Variants in CRTAP observed in about 807,000 individuals in gnomAD.
CRTAP encodes the protein cartilage-associated protein.
Under a neutral mutation model 42.7 loss-of-function variants are expected in CRTAP, and 33 were observed. The ratio of observed to expected loss-of-function variants is 0.77; its 90% CI spans 0.59 to 1.03. The LOEUF (loss-of-function observed/expected upper bound fraction) is 1.03. Ranked by LOEUF, CRTAP falls within the 50% of genes least tolerant of loss-of-function variation. The probability of loss-of-function intolerance (pLI) is 0.00; values close to 1 mark genes in which losing one functional copy is unlikely to be tolerated. For synonymous variants in CRTAP, 243 were observed against 217.7 expected (o/e 1.12, Z -1.02); for missense variants, 613 against 533.9 (o/e 1.15, Z -1.46).
At chr3:33,132,799 G>T (rs1219512683) in intron 5 of CRTAP, 99 bp downstream of exon 5, 5 of 1,433,638 alleles carry the variant, frequency 3.5e-6, no homozygotes, top group Non-Finnish European at 4.8e-6. Flanking sequence ...AAATAAAGGG[G>T]CTGGGCGCGG....
At chr3:33,128,773 C>G (rs748058210) in intron 3 of CRTAP, among the ~76,000 whole-genome samples, 2 of 152,202 alleles carry the variant, frequency 1.3e-5, no homozygotes, top group East Asian at 3.8e-4. Flanking sequence ...TGTTCCTCCA[C>G]AGTCTTATGA....
chr3:33,128,773 C>T (rs748058210), intron 3 of CRTAP, among the ~76,000 whole-genome samples: 36 of 152,202 alleles, frequency 2.4e-4, no homozygotes, highest in Non-Finnish European at 4.9e-4. Flanking sequence ...TGTTCCTCCA[C>T]AGTCTTATGA....
In CRTAP at chr3:33,142,711, A is replaced by G. The variant is rs2030612450; in HGVS notation, c.*263A>G. On this transcript the variant is annotated 3_prime_UTR_variant, in exon 7 of 7. Coordinates refer to ENST00000320954, the MANE Select transcript of CRTAP (RefSeq NM_006371.5). ...GCTCTCTTGCCCAGGCTGGAGTGCA[A>G]TGGCACGTTCTCAGCTCACTGCAAC... 12 of 441,162 alleles carry G rather than the reference A, an allele frequency of 2.7e-5. No individual in the cohort carries two copies. The highest frequency in any genetic ancestry group is 6.5e-4 in the Middle Eastern group (1 of 1,534). The allele number at this position is 441,162 out of a possible 1,614,324, so 27.3% of individuals were successfully genotyped here.
Position 33,124,401 on chromosome 3 carries a change from C to A in CRTAP, c.622-7C>A, listed in dbSNP as rs369340002. 14 of 1,613,852 alleles carry A rather than the reference C, an allele frequency of 8.7e-6. No individual in the cohort carries two copies. In the African/African-American group the frequency reaches 1.6e-4, roughly 18 times the overall value. On this transcript the variant is annotated splice_region_variant and splice_polypyrimidine_tract_variant and intron_variant, in intron 2 of 6. Coordinates refer to ENST00000320954, the MANE Select transcript of CRTAP (RefSeq NM_006371.5). ...GCGAGCTTCACTGGCTTCTCCATGC[C>A]TTTCAGAGCCTGTTCATCCGAGCAG...
intron 1 of CRTAP, among the ~76,000 whole-genome samples, 195 bp from the exon 2 acceptor site, chr3:33,120,149 C>G (rs369410026): frequency 1.3e-5 from 2 of 152,178 alleles, no homozygotes; most frequent in Non-Finnish European, 2.9e-5. Context: ...GCCATCCAGA[C>G]AGTCGCTTTC....
chr3:33,122,036 G>T (rs2029886143), intron 2 of CRTAP, among the ~76,000 whole-genome samples: 2 of 152,120 alleles, frequency 1.3e-5, no homozygotes, highest in Admixed American at 1.3e-4. Context: ...TCCAAAAGTT[G>T]TTGAAATCTC....
Position 33,130,045 on chromosome 3 carries a change from CTTGCAG to C in CRTAP, c.903_908del (p.Leu301_Gln302del), listed in dbSNP as rs2030205751. On this transcript the variant is annotated inframe_deletion, in exon 4 of 7. Coordinates refer to ENST00000320954, the MANE Select transcript of CRTAP (RefSeq NM_006371.5). The stretch of plus-strand genomic sequence containing the variant: ...AATTTGTGGCTACCATGTATCATTA[CTTGCAG>C]TTTGCCTATTATAAGTGTAAGTAAT... The C allele has an allele frequency of 1.9e-6, 3 of 1,613,724 alleles. No homozygotes were observed. Among genetic ancestry groups the C allele is most frequent in the Non-Finnish European group, 2.5e-6 (3 of 1,179,782 alleles).
At position 33,145,774 on chromosome 3, in the gene CRTAP, T is replaced by A. The variant is rs2030703816; in HGVS notation, c.*3326T>A. 1 of 152,312 alleles carries A rather than the reference T, an allele frequency of 6.6e-6. No homozygotes were observed. The highest frequency in any genetic ancestry group is 2.1e-4 in the South Asian group (1 of 4,830). 9.4% of individuals were successfully genotyped at this position (152,312 alleles called of 1,614,324 possible). ...GCAGAGGTACTGTTGGGTCCTTGTC[T>A]TGTGAGCCTGGGGTGAGCTCTCTGT... On this transcript the variant is annotated 3_prime_UTR_variant, in exon 7 of 7. Coordinates refer to ENST00000320954, the MANE Select transcript of CRTAP (RefSeq NM_006371.5). The surrounding 1 kb of genome is among the most constrained non-coding windows in gnomAD (Gnocchi z 4.3).
rs763428960 is a variant in CRTAP at position 33,142,870 on chromosome 3, T to C, written c.*422T>C. The C allele has an allele frequency of 8.9e-5, 19 of 213,670 alleles. No individual in the cohort carries two copies. Among genetic ancestry groups the C allele is most frequent in the South Asian group, 7.4e-4 (9 of 12,214 alleles). 13.2% of individuals were successfully genotyped at this position (213,670 alleles called of 1,614,324 possible). ...GGTTTTGCCATGTTGGCCAGGCTGG[T>C]CTCGAACTCTTGACTTCAGATGATC... On this transcript the variant is annotated 3_prime_UTR_variant, in exon 7 of 7. Transcript: ENST00000320954.
At chr3:33,127,060 A>G (rs1258510810) in intron 3 of CRTAP, among the ~76,000 whole-genome samples, 2 of 151,680 alleles carry the variant, frequency 1.3e-5, no homozygotes. Context: ...TTTGTCCACA[A>G]AAACTTCCTT....
chr3:33,123,717 C>T (rs1036027087), intron 2 of CRTAP, among the ~76,000 whole-genome samples: 3 of 149,586 alleles, frequency 2.0e-5, no homozygotes, highest in Non-Finnish European at 4.4e-5. Context: ...GCCACCTCCG[C>T]CTCCTAGGTT....
intron 1 of CRTAP, among the ~76,000 whole-genome samples, chr3:33,115,808 G>T (rs1186599731): frequency 6.6e-6 from 1 of 150,608 alleles, no homozygotes; most frequent in East Asian, 2.0e-4. Context: ...ATTTATATGA[G>T]CAATAAAATA....
intron 6 of CRTAP, among the ~76,000 whole-genome samples, chr3:33,136,598 C>G (rs1414840154): frequency 6.6e-6 from 1 of 152,082 alleles, no homozygotes; most frequent in Non-Finnish European, 1.5e-5. Flanking sequence ...TAAAAGTTAG[C>G]TGGGCATGGT....
At chr3:33,127,169 A>T (rs929649966) in intron 3 of CRTAP, among the ~76,000 whole-genome samples, 1 of 150,762 alleles carries the variant, frequency 6.6e-6, no homozygotes, top group African/African-American at 2.4e-5. Context: ...CATTTGTCCT[A>T]CATGGTTCCC....
At position 33,145,162 on chromosome 3, in the gene CRTAP, G is replaced by C. The variant is rs1262652277; in HGVS notation, c.*2714G>C. ...GGCACATCCTTCTGTTTCTCCTTCA[G>C]CTCTATCCTGCTTTCCTCATCCCTT... On this transcript the variant is annotated 3_prime_UTR_variant, in exon 7 of 7. Coordinates refer to ENST00000320954, the MANE Select transcript of CRTAP (RefSeq NM_006371.5). This position sits in a 1 kb window ranked among gnomAD's most constrained non-coding sequence, Gnocchi z 4.3. The C allele has an allele frequency of 6.6e-6, 1 of 152,490 alleles. No homozygotes were observed. The highest frequency in any genetic ancestry group is 2.4e-5 in the African/African-American group (1 of 41,450). The allele number at this position is 152,490 out of a possible 1,614,324, so 9.4% of individuals were successfully genotyped here.
At chr3:33,128,980 A>G (rs2030159067) in intron 3 of CRTAP, among the ~76,000 whole-genome samples, 1 of 152,230 alleles carries the variant, frequency 6.6e-6, no homozygotes, top group African/African-American at 2.4e-5. Context: ...GTCTTTGACT[A>G]TATTTAGGTT....
At chr3:33,129,132 G>A (rs1443536923) in intron 3 of CRTAP, among the ~76,000 whole-genome samples, 2 of 152,146 alleles carry the variant, frequency 1.3e-5, no homozygotes, top group African/African-American at 4.8e-5. Context: ...GTATGCCTGT[G>A]TCTAAAGAAA....
At position 33,124,400 on chromosome 3, in the gene CRTAP, C is replaced by G; in HGVS notation, c.622-8C>G. On this transcript the variant is annotated splice_region_variant and splice_polypyrimidine_tract_variant and intron_variant, in intron 2 of 6. Coordinates refer to ENST00000320954, the MANE Select transcript of CRTAP (RefSeq NM_006371.5). ...AGCGAGCTTCACTGGCTTCTCCATG[C>G]CTTTCAGAGCCTGTTCATCCGAGCA... 3 of 1,613,918 alleles carry G rather than the reference C, an allele frequency of 1.9e-6. No homozygotes were observed. Among genetic ancestry groups the G allele is most frequent in the Non-Finnish European group, 2.5e-6 (3 of 1,180,030 alleles).
chr3:33,130,155 T>G, intron 4 of CRTAP, 88 bp downstream of exon 4: 1 of 1,383,566 alleles, frequency 7.2e-7, no homozygotes, highest in Non-Finnish European at 1.0e-6. Context: ...CTACGGTTGT[T>G]GAGAGTTCAT....
Sources: gnomAD v4.1 joint callset for allele counts (sites outside exome capture counted in the v4.1 genomes callset) on GRCh38, gnomAD v4.1.1 for gene constraint, Gnocchi (gnomAD v3.1) non-coding constraint, MANE v1.5 for transcripts, NCBI Gene and HGNC (gene_info 2026-07-23, HGNC 2026-07-21) for gene names.